Variants in SNX30 observed in about 807,000 individuals in gnomAD.
The protein encoded by SNX30 is sorting nexin-30.
Under a neutral mutation model 46.4 loss-of-function variants are expected in SNX30, and 24 were observed. That is an observed-to-expected ratio of 0.52 (90% CI 0.37 to 0.73). SNX30 has a LOEUF of 0.73. SNX30 is among the 30% of genes least tolerant of loss of function. SNX30 has a pLI of 0.00. For synonymous variants in SNX30, 189 were observed against 211.5 expected (o/e 0.89, Z 0.92); for missense variants, 533 against 555.7 (o/e 0.96, Z 0.41).
chr9:112,793,806 T>G (rs976035726), intron 1 of SNX30, among the ~76,000 whole-genome samples: 1 of 129,300 alleles, frequency 7.7e-6, no homozygotes, highest in African/African-American at 2.6e-5. Context: ...TGTTTTTTGT[T>G]TTTTTTTTTT....
At chr9:112,763,631 A>T (rs573425194) in intron 1 of SNX30, among the ~76,000 whole-genome samples, 197 of 152,090 alleles carry the variant, frequency 1.3e-3, no homozygotes, top group African/African-American at 4.4e-3. Flanking sequence ...AGGGTGGATC[A>T]CGAGGTCAGG....
intron 6 of SNX30, among the ~76,000 whole-genome samples, chr9:112,844,630 A>C (rs1178850030): frequency 6.6e-6 from 1 of 152,222 alleles, no homozygotes; most frequent in African/African-American, 2.4e-5. Context: ...AAGCCAAGAT[A>C]AATGTTTTAA....
At chr9:112,832,505 AGAGAG>A (rs1183140079) in intron 4 of SNX30, among the ~76,000 whole-genome samples, 2 of 135,538 alleles carry the variant, frequency 1.5e-5, no homozygotes, top group African/African-American at 6.3e-5. Context: ...TGAGAGAGAG[AGAGAG>A]AGGAGATTTA....
intron 3 of SNX30, among the ~76,000 whole-genome samples, chr9:112,824,609 T>G (rs1412700392): frequency 6.6e-6 from 1 of 152,106 alleles, no homozygotes; most frequent in African/African-American, 2.4e-5. Flanking sequence ...AAAATCAGTT[T>G]TAGTGAGCTA....
At chr9:112,793,405 G>A (rs1373442017) in intron 1 of SNX30, among the ~76,000 whole-genome samples, 1 of 152,164 alleles carries the variant, frequency 6.6e-6, no homozygotes, top group Admixed American at 6.5e-5. Flanking sequence ...CCATGTGGGC[G>A]GGGTGCCCTC....
chr9:112,766,219 T>G (rs367657199), intron 1 of SNX30, among the ~76,000 whole-genome samples: 2 of 152,330 alleles, frequency 1.3e-5, no homozygotes, highest in South Asian at 2.1e-4. Context: ...TTGACCAGTA[T>G]CTCTCCTTTT....
chr9:112,842,790 G>A, intron 6 of SNX30, among the ~76,000 whole-genome samples: 1 of 152,178 alleles, frequency 6.6e-6, no homozygotes, highest in Non-Finnish European at 1.5e-5. Context: ...AGAAAAATAG[G>A]GTCATTATCA....
intron 6 of SNX30, among the ~76,000 whole-genome samples, chr9:112,850,536 A>G (rs1841006106): frequency 6.6e-6 from 1 of 152,270 alleles, no homozygotes; most frequent in Non-Finnish European, 1.5e-5. Context: ...GCACACAGTG[A>G]CGCGGAGAGT....
intron 7 of SNX30, among the ~76,000 whole-genome samples, chr9:112,863,322 C>T (rs550677317): frequency 9.2e-5 from 14 of 152,174 alleles, no homozygotes; most frequent in Admixed American, 5.9e-4. Context: ...TTTGGCAGGT[C>T]GGGGGTTTGA....
At chr9:112,834,950 A>T (rs1243846294) in intron 4 of SNX30, among the ~76,000 whole-genome samples, 1 of 151,888 alleles carries the variant, frequency 6.6e-6, no homozygotes, top group African/African-American at 2.4e-5. Context: ...CGAAGAAGGA[A>T]GTGAATTCAC....
At chr9:112,798,121 C>T (rs200078472) in intron 1 of SNX30, among the ~76,000 whole-genome samples, 1,026 of 77,546 alleles carry the variant, frequency 0.013, 4 homozygotes, top group Middle Eastern at 0.059. Context: ...TTTTTTTTTT[C>T]TTTTTTTTTT....
chr9:112,842,835 A>C (rs903105155), intron 6 of SNX30, among the ~76,000 whole-genome samples: 10 of 152,272 alleles, frequency 6.6e-5, no homozygotes, highest in African/African-American at 1.9e-4. Context: ...TGTGAGTTTA[A>C]GCAGTGAACA....
At chr9:112,758,850 A>AAC (rs141854849) in intron 1 of SNX30, among the ~76,000 whole-genome samples, 8,474 of 150,094 alleles carry the variant, frequency 0.056, 390 homozygotes, top group East Asian at 0.19. Flanking sequence ...GTCTCTGTTA[A>AAC]ACACACACAC....
chr9:112,867,907 T>C (rs989667734), intron 8 of SNX30, among the ~76,000 whole-genome samples: 1 of 152,260 alleles, frequency 6.6e-6, no homozygotes, highest in African/African-American at 2.4e-5. Context: ...TGTGATTAAC[T>C]TGCCCTCTTT....
In SNX30 at chr9:112,804,918, A is replaced by T. The variant is rs1247932262; in HGVS notation, c.299A>T (p.Lys100Met). ...TTCGTTATAGTTGATGATCCCAAGAAGCATGTGTGTACAATGGAGACTTAC... is the reference window on the plus strand; with the variant it reads ...TTCGTTATAGTTGATGATCCCAAGATGCATGTGTGTACAATGGAGACTTAC... ...DLFVIVDDPK[K>M]HVCTMETYIT... The change falls in exon 2 of 9, where the codon AAG (lysine) becomes ATG (methionine). Residue 100 changes from lysine (K) to methionine (M), a missense_variant. This residue lies in a region of SNX30 where 191 missense variants were observed against 160.3 expected (regional missense o/e 1.19). Coordinates refer to ENST00000374232, the MANE Select transcript of SNX30 (RefSeq NM_001012994.2). 6.2e-7 allele frequency: 1 copy of T among 1,613,720 alleles called. No homozygotes were observed. Among genetic ancestry groups the T allele is most frequent in the Non-Finnish European group, 8.5e-7 (1 of 1,179,854 alleles).
In SNX30 at chr9:112,873,231, A is replaced by G. The variant is rs1029585057; in HGVS notation, c.*4388A>G. On this transcript the variant is annotated 3_prime_UTR_variant, in exon 9 of 9. Coordinates refer to ENST00000374232, the MANE Select transcript of SNX30 (RefSeq NM_001012994.2). ...TTTTACTACTACAGAGAGTCTGTAAATAAGTGCTTTAAAAAAATAACAAAC... is the reference window on the plus strand; with the variant it reads ...TTTTACTACTACAGAGAGTCTGTAAGTAAGTGCTTTAAAAAAATAACAAAC... The G allele has an allele frequency of 5.9e-5, 9 of 152,238 alleles. No homozygotes were observed. The highest frequency in any genetic ancestry group is 2.2e-4 in the African/African-American group (9 of 41,452). The allele number at this position is 152,238 out of a possible 1,614,324, so 9.4% of individuals were successfully genotyped here.
At chr9:112,756,752 C>T (rs948509977) in intron 1 of SNX30, among the ~76,000 whole-genome samples, 4 of 152,302 alleles carry the variant, frequency 2.6e-5, no homozygotes, top group East Asian at 1.9e-4. Flanking sequence ...TGAGCCACTG[C>T]GCTCGGCTCC....
intron 7 of SNX30, among the ~76,000 whole-genome samples, chr9:112,862,251 C>T (rs140505837): frequency 4.4e-4 from 67 of 152,320 alleles, no homozygotes; most frequent in African/African-American, 1.5e-3. Flanking sequence ...ACCCTGGCTG[C>T]CCTCCTCTCC....
At chr9:112,831,739 T>G (rs563382231) in intron 4 of SNX30, among the ~76,000 whole-genome samples, 1 of 152,340 alleles carries the variant, frequency 6.6e-6, no homozygotes, top group African/African-American at 2.4e-5. Flanking sequence ...AGTTGCCAGA[T>G]TCTGTGTATT....
Sources: allele counts gnomAD v4.1 joint callset (sites outside exome capture counted in the v4.1 genomes callset), GRCh38; gene constraint gnomAD v4.1.1; regional missense constraint gnomAD v4.1.1; transcripts MANE v1.5; gene names NCBI Gene and HGNC (gene_info 2026-07-23, HGNC 2026-07-21).